GALNT17: variants seen among roughly 807,000 people sequenced by gnomAD.
The protein encoded by GALNT17 is polypeptide N-acetylgalactosaminyltransferase 17.
Under a neutral mutation model 63.7 loss-of-function variants are expected in GALNT17, and 29 were observed. The observed-to-expected ratio is 0.46, with a 90% CI of 0.34 to 0.62. The LOEUF is 0.62. Among genes scored for constraint, GALNT17 ranks in the 20% least tolerant of loss-of-function variants. GALNT17 has a pLI of 0.01. For missense variants in GALNT17, 603 were observed against 799.6 expected (o/e 0.75, Z 2.97); for synonymous variants, 305 against 318.3 (o/e 0.96, Z 0.45).
At chr7:71,543,069 G>A (rs1309321400) in intron 5 of GALNT17, among the ~76,000 whole-genome samples, 13 of 148,694 alleles carry the variant, frequency 8.7e-5, no homozygotes. Context: ...CACACCAAAA[G>A]AATTTTATTT....
intron 1 of GALNT17, among the ~76,000 whole-genome samples, chr7:71,286,872 C>T (rs1482030863): frequency 6.6e-6 from 1 of 151,672 alleles, no homozygotes; most frequent in East Asian, 1.9e-4. Context: ...GTTGCCAAAA[C>T]CCTGACCTCC....
chr7:71,347,195 C>G (rs1246791203), intron 2 of GALNT17, among the ~76,000 whole-genome samples: 1 of 152,104 alleles, frequency 6.6e-6, no homozygotes, highest in Non-Finnish European at 1.5e-5. Context: ...AAGAAGATAT[C>G]TGGGCCACCT....
chr7:71,286,552 T>C (rs1482623870), intron 1 of GALNT17, among the ~76,000 whole-genome samples: 5 of 150,662 alleles, frequency 3.3e-5, no homozygotes, highest in African/African-American at 1.2e-4. Context: ...GCCAGGGCTT[T>C]TTCCATCTGC....
intron 5 of GALNT17, among the ~76,000 whole-genome samples, chr7:71,440,744 A>C (rs948432166): frequency 6.6e-6 from 1 of 152,034 alleles, no homozygotes; most frequent in African/African-American, 2.4e-5. Flanking sequence ...AGTTGTTTCC[A>C]GGGGGTCCTT....
intron 5 of GALNT17, among the ~76,000 whole-genome samples, chr7:71,435,394 G>T (rs1786940631): frequency 6.6e-6 from 1 of 152,102 alleles, no homozygotes; most frequent in African/African-American, 2.4e-5. Flanking sequence ...ACCTCCTCTT[G>T]CCTGGGGACT....
At chr7:71,294,491 T>C (rs1389557232) in intron 1 of GALNT17, among the ~76,000 whole-genome samples, 1 of 143,756 alleles carries the variant, frequency 7.0e-6, no homozygotes, top group Non-Finnish European at 1.5e-5. Context: ...CTTGGCTCAC[T>C]GCAACCTCTG....
At chr7:71,428,200 T>C (rs957486795) in intron 5 of GALNT17, among the ~76,000 whole-genome samples, 1 of 152,208 alleles carries the variant, frequency 6.6e-6, no homozygotes, top group Non-Finnish European at 1.5e-5. Context: ...CTTCCAGTTT[T>C]CTTATTCCCC....
chr7:71,422,887 G>A (rs945546312), intron 5 of GALNT17, among the ~76,000 whole-genome samples: 1 of 152,194 alleles, frequency 6.6e-6, no homozygotes, highest in East Asian at 1.9e-4. Context: ...CTCTCAATGA[G>A]ATGGATGGGG....
At chr7:71,246,430 G>A (rs1037115640) in intron 1 of GALNT17, among the ~76,000 whole-genome samples, 10 of 151,552 alleles carry the variant, frequency 6.6e-5, no homozygotes, top group African/African-American at 2.4e-4. Flanking sequence ...GCCCCTCATT[G>A]CTTTTAATAT....
chr7:71,220,673 G>A (rs2116419197), intron 1 of GALNT17, among the ~76,000 whole-genome samples: 1 of 152,240 alleles, frequency 6.6e-6, no homozygotes, highest in South Asian at 2.1e-4. Flanking sequence ...GGTCACTGGG[G>A]TGGCCCTTAA....
At chr7:71,227,621 G>T (rs753214919) in intron 1 of GALNT17, among the ~76,000 whole-genome samples, 1 of 152,010 alleles carries the variant, frequency 6.6e-6, no homozygotes, top group African/African-American at 2.4e-5. Context: ...AATTTCGTTT[G>T]CTCTCACCAT....
chr7:71,551,971 A>G (rs758210365), intron 5 of GALNT17, among the ~76,000 whole-genome samples: 1 of 151,978 alleles, frequency 6.6e-6, no homozygotes, highest in East Asian at 1.9e-4. Context: ...GTGAGCTTGC[A>G]GTTTGGGAGA....
In GALNT17 at chr7:71,670,119, A is replaced by T; in HGVS notation, c.1404+10A>T. On this transcript the variant is annotated intron_variant, in intron 8 of 10. Coordinates refer to ENST00000333538, the MANE Select transcript of GALNT17 (RefSeq NM_022479.3). ...CGTTGCTTACGGGGAGGTAATTCAG[A>T]CCGTGCATGCTTTTGGCTTGGAATG... The T allele has an allele frequency of 6.2e-7, 1 of 1,614,008 alleles. No homozygotes were observed. Among genetic ancestry groups the T allele is most frequent in the Non-Finnish European group, 8.5e-7 (1 of 1,179,938 alleles).
intron 6 of GALNT17, among the ~76,000 whole-genome samples, chr7:71,599,791 C>T (rs535767334): frequency 3.5e-4 from 53 of 152,112 alleles, no homozygotes; most frequent in African/African-American, 1.3e-3. Flanking sequence ...TGCACTATTG[C>T]AATTGTGCAG....
chr7:71,210,916 C>G (rs10252351), intron 1 of GALNT17, among the ~76,000 whole-genome samples: 1 of 151,980 alleles, frequency 6.6e-6, no homozygotes, highest in Non-Finnish European at 1.5e-5. Context: ...TAAACCCCAC[C>G]GGCTATATTT....
At chr7:71,578,914 T>C (rs1370950116) in intron 6 of GALNT17, among the ~76,000 whole-genome samples, 1 of 152,184 alleles carries the variant, frequency 6.6e-6, no homozygotes, top group Non-Finnish European at 1.5e-5. Flanking sequence ...GGAACCCTGA[T>C]GTCCCAAAGC....
At chr7:71,678,415 G>A (rs1267539932) in intron 9 of GALNT17, among the ~76,000 whole-genome samples, 2 of 151,416 alleles carry the variant, frequency 1.3e-5, no homozygotes, top group Admixed American at 6.6e-5. Flanking sequence ...GTGAGCTTCC[G>A]CCCTGGGCCA....
chr7:71,183,041 C>T (rs1039645566), intron 1 of GALNT17, among the ~76,000 whole-genome samples: 1 of 152,256 alleles, frequency 6.6e-6, no homozygotes, highest in East Asian at 1.9e-4. Flanking sequence ...CATTGTGGAC[C>T]TTGCGGAGTT....
chr7:71,565,494 T>G (rs1047309137), intron 5 of GALNT17, among the ~76,000 whole-genome samples: 2 of 151,884 alleles, frequency 1.3e-5, no homozygotes, highest in South Asian at 4.2e-4. Context: ...CTTCTCCATC[T>G]TTCATCCCTC....
Sources: allele counts gnomAD v4.1 joint callset (sites outside exome capture counted in the v4.1 genomes callset), GRCh38; gene constraint gnomAD v4.1.1; transcripts MANE v1.5; gene names NCBI Gene and HGNC (gene_info 2026-07-23, HGNC 2026-07-21).